Variants in RBFOX1 observed in about 807,000 individuals in gnomAD.
RBFOX1 encodes RNA binding fox-1 homolog 1.
RBFOX1 carries 8 observed loss-of-function variants against 57.7 expected under a neutral mutation model. The ratio of observed to expected loss-of-function variants is 0.14; its 90% CI spans 0.08 to 0.25. The LOEUF (loss-of-function observed/expected upper bound fraction) is 0.25. RBFOX1 is among the 10% of genes least tolerant of loss of function. RBFOX1 has a pLI of 1.00. For missense variants in RBFOX1, 611 were observed against 548.5 expected, an observed-to-expected ratio of 1.11 and a Z score of -1.14; for synonymous variants, 326 against 222.4, an observed-to-expected ratio of 1.47 and a Z score of -4.15.
At chr16:7,381,164 C>A (rs1254024564) in intron 4 of RBFOX1, among the ~76,000 whole-genome samples, 1 of 152,172 alleles carries the variant, frequency 6.6e-6, no homozygotes, top group Non-Finnish European at 1.5e-5. Flanking sequence ...TTGAACTTCT[C>A]CCACGTTAAA....
At chr16:6,838,363 C>A (rs1350818944) in intron 3 of RBFOX1, among the ~76,000 whole-genome samples, 2 of 152,126 alleles carry the variant, frequency 1.3e-5, no homozygotes, top group African/African-American at 4.8e-5. Flanking sequence ...TTAACTCATT[C>A]TTTTTTATGG....
intron 4 of RBFOX1, among the ~76,000 whole-genome samples, chr16:7,390,698 C>G (rs1360322267): frequency 6.6e-6 from 1 of 152,046 alleles, no homozygotes; most frequent in Non-Finnish European, 1.5e-5. Flanking sequence ...TATGCTGTCT[C>G]TTTACAGAGG....
At chr16:6,515,811 C>T (rs1352551974) in intron 2 of RBFOX1, among the ~76,000 whole-genome samples, 1 of 152,096 alleles carries the variant, frequency 6.6e-6, no homozygotes. Context: ...CTTCATCCGC[C>T]TGAAGTCTCT....
At chr16:7,695,974 G>A (rs2078687510) in intron 14 of RBFOX1, among the ~76,000 whole-genome samples, 1 of 152,190 alleles carries the variant, frequency 6.6e-6, no homozygotes, top group Non-Finnish European at 1.5e-5. Context: ...GGTGGAGATA[G>A]TGAGATGAAA....
chr16:6,223,788 T>G (rs904549695), intron 1 of RBFOX1, among the ~76,000 whole-genome samples: 2 of 152,164 alleles, frequency 1.3e-5, no homozygotes, highest in Non-Finnish European at 2.9e-5. Context: ...TGTCTATGTC[T>G]TGAATGGTAA....
At chr16:5,699,439 T>G (rs1463134370) in intron 3 of RBFOX1, among the ~76,000 whole-genome samples, 1 of 152,060 alleles carries the variant, frequency 6.6e-6, no homozygotes, top group Non-Finnish European at 1.5e-5. Flanking sequence ...TCTACACTGG[T>G]TTGGAGACAG....
intron 2 of RBFOX1, among the ~76,000 whole-genome samples, chr16:5,477,744 T>C (rs536035674): frequency 1.3e-5 from 2 of 152,310 alleles, no homozygotes; most frequent in Admixed American, 6.5e-5. Context: ...ATTTCTGTTA[T>C]GGGTGCTTTA....
intron 4 of RBFOX1, among the ~76,000 whole-genome samples, chr16:5,977,248 C>T (rs928019575): frequency 6.6e-6 from 1 of 152,168 alleles, no homozygotes; most frequent in African/African-American, 2.4e-5. Context: ...GATGGCTCCT[C>T]ACCACCTCTC....
At chr16:6,626,704 G>C (rs2098312908) in intron 2 of RBFOX1, among the ~76,000 whole-genome samples, 1 of 152,062 alleles carries the variant, frequency 6.6e-6, no homozygotes, top group African/African-American at 2.4e-5. Flanking sequence ...AGGTTGCAGT[G>C]AGCCAAGATT....
intron 4 of RBFOX1, among the ~76,000 whole-genome samples, chr16:7,428,535 T>TATTATTATA (rs2098646180): frequency 6.8e-6 from 1 of 146,918 alleles, no homozygotes; most frequent in Non-Finnish European, 1.5e-5. Context: ...TTATTATTAT[T>TATTATTATA]ATTATTTGTA....
rs1359722168 is a variant in RBFOX1, at chr16:5,901,484, T to A, written c.351+34149T>A. Among the ~76,000 whole-genome samples the A allele has an allele frequency of 2.0e-5, 3 of 152,200 alleles. No homozygotes were observed. In the East Asian group the frequency reaches 5.8e-4, roughly 29 times the overall value. Reference sequence around the variant, plus strand: ...ATTTGTTCCGAAGGTTTGCCTATAATTTCCCTTCACACCTTTGCTAGCCAA... The same window carrying A: ...ATTTGTTCCGAAGGTTTGCCTATAAATTCCCTTCACACCTTTGCTAGCCAA... On this transcript the variant is annotated intron_variant, in intron 4 of 19. Coordinates refer to the RBFOX1 transcript ENST00000641259.
intron 5 of RBFOX1, among the ~76,000 whole-genome samples, chr16:7,565,566 C>G (rs142525638): frequency 2.6e-3 from 401 of 152,252 alleles, no homozygotes; most frequent in African/African-American, 9.3e-3. Flanking sequence ...AAATCAAGAC[C>G]GCTCTTCAGT....
chr16:6,493,678 T>C (rs1240103318), intron 2 of RBFOX1, among the ~76,000 whole-genome samples: 1 of 152,130 alleles, frequency 6.6e-6, no homozygotes, highest in Non-Finnish European at 1.5e-5. Context: ...AGATAAAATA[T>C]TTTTATCTCA....
At chr16:6,089,310 A>G (rs1379805132) in intron 1 of RBFOX1, among the ~76,000 whole-genome samples, 1 of 152,134 alleles carries the variant, frequency 6.6e-6, no homozygotes, top group East Asian at 1.9e-4. Context: ...TGAGACTTGG[A>G]TAGATGAACA....
intron 4 of RBFOX1, among the ~76,000 whole-genome samples, chr16:7,248,334 G>C (rs1397947459): frequency 6.6e-6 from 1 of 152,188 alleles, no homozygotes; most frequent in Non-Finnish European, 1.5e-5. Flanking sequence ...GGACCGTGCT[G>C]TTGGCCATTT....
At chr16:5,620,989 C>T (rs761357734) in intron 3 of RBFOX1, among the ~76,000 whole-genome samples, 4 of 152,070 alleles carry the variant, frequency 2.6e-5, no homozygotes, top group African/African-American at 9.7e-5. Context: ...TATAGACGCT[C>T]GCCACCACGC....
At chr16:5,781,012 G>A (rs1047389022) in intron 3 of RBFOX1, among the ~76,000 whole-genome samples, 4 of 152,202 alleles carry the variant, frequency 2.6e-5, no homozygotes, top group Non-Finnish European at 4.4e-5. Context: ...TGATAAAACA[G>A]GTTAGAACCA....
chr16:5,881,190 T>C (rs987644444), intron 4 of RBFOX1, among the ~76,000 whole-genome samples: 4 of 152,178 alleles, frequency 2.6e-5, no homozygotes, highest in African/African-American at 9.7e-5. Context: ...ATCCTCTCCA[T>C]CTTGGCCCTG....
intron 4 of RBFOX1, among the ~76,000 whole-genome samples, chr16:5,923,365 CAG>C (rs1373252320): frequency 6.6e-6 from 1 of 152,000 alleles, no homozygotes; most frequent in Non-Finnish European, 1.5e-5. Context: ...CTCACTGAGT[CAG>C]AGGGATGCCA....
Sources: gnomAD v4.1 joint callset for allele counts (sites outside exome capture counted in the v4.1 genomes callset) on GRCh38, gnomAD v4.1.1 for gene constraint, MANE v1.5 for transcripts, NCBI Gene and HGNC (gene_info 2026-07-23, HGNC 2026-07-21) for gene names.